The following LYRM7 variants were observed in gnomAD, a reference collection of about 807,000 sequenced individuals.
LYRM7 encodes the protein LYR motif containing 7, also known as complex III assembly factor LYRM7.
A neutral mutation model predicts 15.8 loss-of-function variants in LYRM7; 9 were observed. That is an observed-to-expected ratio of 0.57 (90% CI 0.34 to 0.99). The LOEUF is 0.99. Among genes scored for constraint, LYRM7 ranks in the 50% least tolerant of loss-of-function variants. The probability of loss-of-function intolerance (pLI) is 0.02; values close to 1 mark genes in which losing one functional copy is unlikely to be tolerated. For synonymous variants in LYRM7, 39 were observed against 39.4 expected (o/e 0.99, Z 0.04); for missense variants, 115 against 119.1 (o/e 0.97, Z 0.16).
intron 2 of LYRM7, among the ~76,000 whole-genome samples, chr5:131,181,391 T>G (rs1182271659): frequency 1.0e-5 from 1 of 97,176 alleles, no homozygotes; most frequent in Non-Finnish European, 1.8e-5. Flanking sequence ...AATATATACA[T>G]ATATATTATA....
intron 1 of LYRM7, among the ~76,000 whole-genome samples, chr5:131,177,503 G>A (rs1215590495): frequency 6.6e-6 from 1 of 152,150 alleles, no homozygotes; most frequent in African/African-American, 2.4e-5. Flanking sequence ...AGTATCTATG[G>A]TGTTCTAAAG....
intron 3 of LYRM7, among the ~76,000 whole-genome samples, chr5:131,183,138 A>T (rs1488689176): frequency 6.6e-6 from 1 of 151,996 alleles, no homozygotes; most frequent in Non-Finnish European, 1.5e-5. Context: ...AAAACTGATA[A>T]AAAATGCATT....
chr5:131,199,741 T>C lies in LYRM7; in HGVS notation c.*140T>C. 2.1e-6 allele frequency: 1 copy of C among 487,218 alleles called. No homozygotes were observed. Among genetic ancestry groups the C allele is most frequent in the Non-Finnish European group, 3.6e-6 (1 of 274,964 alleles). 30.2% of individuals were successfully genotyped at this position (487,218 alleles called of 1,614,324 possible). On this transcript the variant is annotated 3_prime_UTR_variant, in exon 5 of 5. Coordinates refer to ENST00000379380, the MANE Select transcript of LYRM7 (RefSeq NM_181705.4). Reference sequence around the variant, plus strand: ...TTACAGAATAGCTTCATATTTAAATTTCATGTTAAAAGGTCATTACTGAGA... The same window carrying C: ...TTACAGAATAGCTTCATATTTAAATCTCATGTTAAAAGGTCATTACTGAGA...
intron 2 of LYRM7, among the ~76,000 whole-genome samples, chr5:131,181,302 A>ATAT (rs71000974): frequency 1.1e-4 from 1 of 8,772 alleles, no homozygotes; most frequent in Non-Finnish European, 3.3e-4. Flanking sequence ...AAAAAAAAAA[A>ATAT]ATATATATAT....
chr5:131,171,902 A>C (rs10074442), intron 1 of LYRM7, among the ~76,000 whole-genome samples: 27,561 of 152,234 alleles, frequency 0.18, 6,332 homozygotes, highest in African/African-American at 0.54. Context: ...TCAAAAATTT[A>C]TTTGAATGTC....
At chr5:131,194,988 G>C (rs1161417988) in intron 4 of LYRM7, among the ~76,000 whole-genome samples, 2 of 152,196 alleles carry the variant, frequency 1.3e-5, no homozygotes, top group Non-Finnish European at 2.9e-5. Flanking sequence ...AATTGGCCGG[G>C]ATCGCTGGCT....
At position 131,204,742 on chromosome 5, in the gene LYRM7, T is replaced by TTTGTG. The variant is rs1554091527; in HGVS notation, c.*5142_*5143insTGTGT. ...AGCATTTCAGAAAACGGATGTTCAT[T>TTTGTG]TGTGTGTGTGTGTGTGTGTAAGCAG... is the stretch of plus-strand genomic sequence containing the variant. On this transcript the variant is annotated 3_prime_UTR_variant, in exon 5 of 5. Transcript: ENST00000379380. The TTTGTG allele has an allele frequency of 2.7e-5, 4 of 149,874 alleles. No individual in the cohort carries two copies. Among genetic ancestry groups the TTTGTG allele is most frequent in the African/African-American group, 9.8e-5 (4 of 40,872 alleles). 9.3% of individuals were successfully genotyped at this position (149,874 alleles called of 1,614,324 possible). A position where few individuals can be genotyped will look rare whatever the true frequency, so the allele number is the denominator to read the frequency against.
rs1028086698 is a variant in LYRM7, at chr5:131,190,090, C to T, written c.244+2981C>T. 4.0e-5 allele frequency among the ~76,000 whole-genome samples: 6 copies of T among 149,534 alleles called. No individual in the cohort carries two copies. The South Asian group carries it at 1.3e-3, about 32-fold the overall frequency. On this transcript the variant is annotated intron_variant, in intron 4 of 4. Transcript: ENST00000379380. ...CGGATATTGCAATGACCCGAGATCG[C>T]ACCACTGCACCTCAGCCTGGGTGAC...
intron 4 of LYRM7, among the ~76,000 whole-genome samples, chr5:131,198,160 T>A (rs1756000257): frequency 6.6e-6 from 1 of 152,140 alleles, no homozygotes; most frequent in Non-Finnish European, 1.5e-5. Flanking sequence ...TAGAGTATAT[T>A]TTTTTAAGAT....
chr5:131,174,095 C>T (rs773345686), intron 1 of LYRM7, among the ~76,000 whole-genome samples: 71 of 152,240 alleles, frequency 4.7e-4, no homozygotes, highest in Non-Finnish European at 9.6e-4. Flanking sequence ...ACTACTTTAT[C>T]AACTGAGTTC....
At chr5:131,174,902 A>G (rs1755574982) in intron 1 of LYRM7, among the ~76,000 whole-genome samples, 1 of 152,142 alleles carries the variant, frequency 6.6e-6, no homozygotes, top group Admixed American at 6.5e-5. Flanking sequence ...GGGGCTGCAA[A>G]ATGGATGTTG....
rs1756092105 is a variant in LYRM7 at position 131,202,592 on chromosome 5, G to C, written c.*2991G>C. On this transcript the variant is annotated 3_prime_UTR_variant, in exon 5 of 5. Coordinates refer to ENST00000379380, the MANE Select transcript of LYRM7 (RefSeq NM_181705.4). ...ATAGGCACAGTCATAGCACACTGCA[G>C]CCTAGAATTTCTGACCTCAAGCAAT... is the stretch of plus-strand genomic sequence containing the variant. 1 of 152,894 alleles carries C rather than the reference G, an allele frequency of 6.5e-6. No individual in the cohort carries two copies. Among genetic ancestry groups the C allele is most frequent in the Non-Finnish European group, 1.5e-5 (1 of 68,054 alleles). The allele number at this position is 152,894 out of a possible 1,614,324, so 9.5% of individuals were successfully genotyped here.
chr5:131,171,563 G>A (rs1356425760), intron 1 of LYRM7: 3 of 152,376 alleles, frequency 2.0e-5, no homozygotes, highest in African/African-American at 7.2e-5. Context: ...ATGAGCTTGG[G>A]ATGTGATGGC....
Position 131,181,371 on chromosome 5 carries a change from A to G in LYRM7, c.92-858A>G, listed in dbSNP as rs12652745. ...ATGTTATATATATATTAACATATAT[A>G]TGTATATATAATATATACATATATA... On this transcript the variant is annotated intron_variant, in intron 2 of 4. Transcript: ENST00000379380. Among the ~76,000 whole-genome samples, 385 of 40,244 alleles carry G rather than the reference A, an allele frequency of 9.6e-3. 3 individuals are homozygous for G. Among genetic ancestry groups the G allele is most frequent in the Non-Finnish European group, 0.012 (309 of 26,200 alleles). 26.4% of individuals were successfully genotyped at this position (40,244 alleles called of 152,430 possible). A position where few individuals can be genotyped will look rare whatever the true frequency, so the allele number is the denominator to read the frequency against.
chr5:131,177,034 A>G (rs1439668149), intron 1 of LYRM7, among the ~76,000 whole-genome samples: 2 of 152,168 alleles, frequency 1.3e-5, no homozygotes, highest in Admixed American at 1.3e-4. Context: ...AATTACCCAC[A>G]GCTGAGCCCT....
At chr5:131,188,901 CT>C (rs1755839035) in intron 4 of LYRM7, among the ~76,000 whole-genome samples, 3 of 152,258 alleles carry the variant, frequency 2.0e-5, no homozygotes, top group African/African-American at 7.2e-5. Flanking sequence ...AATCCCTGCA[CT>C]TTGGGAGGCC....
In LYRM7 at chr5:131,204,744, G is replaced by A. The variant is rs935068115; in HGVS notation, c.*5143G>A. ...CATTTCAGAAAACGGATGTTCATTT[G>A]TGTGTGTGTGTGTGTGTAAGCAGGT... On this transcript the variant is annotated 3_prime_UTR_variant, in exon 5 of 5. Coordinates refer to ENST00000379380, the MANE Select transcript of LYRM7 (RefSeq NM_181705.4). 2 of 148,444 alleles carry A rather than the reference G, an allele frequency of 1.3e-5. No individual in the cohort carries two copies. Among genetic ancestry groups the A allele is most frequent in the East Asian group, 3.9e-4 (2 of 5,194 alleles). 9.2% of individuals were successfully genotyped at this position (148,444 alleles called of 1,614,324 possible). A position where few individuals can be genotyped will look rare whatever the true frequency, so the allele number is the denominator to read the frequency against.
intron 1 of LYRM7, among the ~76,000 whole-genome samples, chr5:131,172,550 T>C (rs1369583069): frequency 6.6e-6 from 1 of 152,140 alleles, no homozygotes; most frequent in African/African-American, 2.4e-5. Context: ...GGGGATTTGG[T>C]TGGAAAACTT....
chr5:131,176,071 T>G (rs1320413725), intron 1 of LYRM7, among the ~76,000 whole-genome samples: 2 of 152,240 alleles, frequency 1.3e-5, no homozygotes, highest in African/African-American at 4.8e-5. Flanking sequence ...CGTTAGCTTA[T>G]TAAGAGCTAA....
Sources: allele counts gnomAD v4.1 joint callset (sites outside exome capture counted in the v4.1 genomes callset), GRCh38; gene constraint gnomAD v4.1.1; transcripts MANE v1.5; gene names NCBI Gene and HGNC (gene_info 2026-07-23, HGNC 2026-07-21).